ELAVL4: variants seen among roughly 807,000 people sequenced by gnomAD.
ELAVL4 encodes ELAV-like protein 4.
In ELAVL4, 1 loss-of-function variant was observed where a neutral mutation model predicts 35.6. The observed-to-expected ratio is 0.03, with a 90% CI of 0.01 to 0.13. The LOEUF is 0.13. ELAVL4 is among the 10% of genes least tolerant of loss of function. The pLI is 1.00. For missense variants in ELAVL4, 267 were observed against 464.9 expected, an observed-to-expected ratio of 0.57 and a Z score of 3.91; for synonymous variants, 156 against 171.0, an observed-to-expected ratio of 0.91 and a Z score of 0.69.
intron 1 of ELAVL4, among the ~76,000 whole-genome samples, chr1:50,132,157 A>G (rs544474104): frequency 6.6e-6 from 1 of 152,260 alleles, no homozygotes; most frequent in African/African-American, 2.4e-5. Context: ...ATCGATACGT[A>G]TTAGAAGGAT....
intron 2 of ELAVL4, among the ~76,000 whole-genome samples, chr1:50,166,649 T>C (rs1677976039): frequency 6.6e-6 from 1 of 152,246 alleles, no homozygotes; most frequent in African/African-American, 2.4e-5. Flanking sequence ...TTTGCAGTCC[T>C]GCCTGGATTG....
At position 50,126,494 on chromosome 1, in the gene ELAVL4, A is replaced by G. The variant is rs1016827294; in HGVS notation, c.9+17296A>G. On this transcript the variant is annotated intron_variant, in intron 1 of 6. Coordinates refer to ENST00000371824, the MANE Select transcript of ELAVL4 (RefSeq NM_001144774.3). Reference sequence around the variant, plus strand: ...CATATGTCAAAAATTTCAAGGAAGGACTCCTGTGCTAACTGGAATTATACA... The same window carrying G: ...CATATGTCAAAAATTTCAAGGAAGGGCTCCTGTGCTAACTGGAATTATACA... Among the ~76,000 whole-genome samples, 6 of 151,922 alleles carry G rather than the reference A, an allele frequency of 3.9e-5. No individual in the cohort carries two copies. The South Asian group carries it at 6.2e-4, about 16-fold the overall frequency.
At chr1:50,165,396 G>C (rs558089093) in intron 2 of ELAVL4, among the ~76,000 whole-genome samples, 149 of 151,372 alleles carry the variant, frequency 9.8e-4, no homozygotes, top group African/African-American at 3.3e-3. Context: ...GTATTAGTGA[G>C]GGTTCTCTAG....
At chr1:50,102,047 G>A (rs1666003429), upstream of ELAVL4, among the ~76,000 whole-genome samples, 1 of 152,148 alleles carries the variant, frequency 6.6e-6, no homozygotes, top group South Asian at 2.1e-4. Flanking sequence ...CAGCACTTGG[G>A]GAGGCCGTGG....
chr1:50,174,236 G>C (rs1679566911), intron 2 of ELAVL4: 1 of 152,156 alleles, frequency 6.6e-6, no homozygotes, highest in Non-Finnish European at 1.5e-5. Flanking sequence ...ATTAGACTTA[G>C]CTGAACTCCT....
intron 3 of ELAVL4, among the ~76,000 whole-genome samples, chr1:50,181,617 T>C (rs904092923): frequency 1.3e-5 from 2 of 152,294 alleles, no homozygotes; most frequent in African/African-American, 4.8e-5. Flanking sequence ...ACTTGCCTCA[T>C]GTAGGAGTTT....
intron 1 of ELAVL4, among the ~76,000 whole-genome samples, chr1:50,131,673 C>T (rs1670878028): frequency 6.6e-6 from 1 of 151,830 alleles, no homozygotes; most frequent in African/African-American, 2.4e-5. Context: ...GCCTGTAGTC[C>T]CAGTTACTCA....
At chr1:50,106,384 C>T, upstream of ELAVL4, 2 of 1,612,966 alleles carry the variant, frequency 1.2e-6, no homozygotes, top group Non-Finnish European at 1.7e-6. Flanking sequence ...CAAGAAACTG[C>T]TCATTTATGG....
chr1:50,196,671 G>A (rs1644080999), intron 5 of ELAVL4, among the ~76,000 whole-genome samples: 2 of 152,108 alleles, frequency 1.3e-5, no homozygotes, highest in Non-Finnish European at 2.9e-5. Flanking sequence ...TATGCCCTGT[G>A]AATTTGAAAT....
chr1:50,088,165 A>C (rs889237515), intron 1 of ELAVL4, among the ~76,000 whole-genome samples: 3 of 152,216 alleles, frequency 2.0e-5, no homozygotes, highest in Non-Finnish European at 4.4e-5. Context: ...CCTGGCTCAC[A>C]AATGAAATTG....
intron 1 of ELAVL4, among the ~76,000 whole-genome samples, chr1:50,132,949 A>T (rs956481330): frequency 6.6e-6 from 1 of 152,180 alleles, no homozygotes; most frequent in Non-Finnish European, 1.5e-5. Context: ...TGTTTATATA[A>T]TTGAGATAAT....
At position 50,202,921 on chromosome 1, in the gene ELAVL4, G is replaced by A. The variant is rs1644442986; in HGVS notation, c.*1743G>A. 1 of 152,020 alleles carries A rather than the reference G, an allele frequency of 6.6e-6. No homozygotes were observed. The highest frequency in any genetic ancestry group is 1.5e-5 in the Non-Finnish European group (1 of 67,984). The allele number at this position is 152,020 out of a possible 1,614,324, so 9.4% of individuals were successfully genotyped here. A position where few individuals can be genotyped will look rare whatever the true frequency, so the allele number is the denominator to read the frequency against. Reference sequence around the variant, plus strand: ...TTTATTTTAATGTAACTCAGATTGGGGAAAACAAAACAGAGCTAAGGGAAC... The same window carrying A: ...TTTATTTTAATGTAACTCAGATTGGAGAAAACAAAACAGAGCTAAGGGAAC... On this transcript the variant is annotated 3_prime_UTR_variant, in exon 7 of 7. Transcript: ENST00000371824.
intron 3 of ELAVL4, among the ~76,000 whole-genome samples, chr1:50,182,410 T>C (rs545571460): frequency 1.3e-5 from 2 of 152,164 alleles, no homozygotes; most frequent in Non-Finnish European, 2.9e-5. Flanking sequence ...AGGAGTAGGA[T>C]TAAACAAGCG....
intron 1 of ELAVL4, among the ~76,000 whole-genome samples, chr1:50,128,940 T>C (rs575488989): frequency 1.3e-5 from 2 of 152,140 alleles, no homozygotes; most frequent in South Asian, 2.1e-4. Context: ...ATTTGCTCCT[T>C]AACCCTTAGT....
intron 2 of ELAVL4, among the ~76,000 whole-genome samples, chr1:50,150,416 A>G (rs1674572033): frequency 6.6e-6 from 1 of 152,208 alleles, no homozygotes; most frequent in Non-Finnish European, 1.5e-5. Flanking sequence ...TTACAACTCT[A>G]ATTAAAGGAA....
upstream of ELAVL4, chr1:50,106,254 G>GGAAA (rs940078971): frequency 1.9e-6 from 3 of 1,546,260 alleles, no homozygotes; most frequent in African/African-American, 4.1e-5. Flanking sequence ...ACTCTGTGTG[G>GGAAA]GAAAGCTGGC....
chr1:50,099,417 G>A (rs544306821), upstream of ELAVL4, among the ~76,000 whole-genome samples: 6 of 151,972 alleles, frequency 3.9e-5, no homozygotes, highest in East Asian at 1.9e-4. Flanking sequence ...AAAATTAGCC[G>A]GGCATGGTGG....
At chr1:50,055,635 A>G (rs1405752344) in intron 1 of ELAVL4, among the ~76,000 whole-genome samples, 1 of 151,628 alleles carries the variant, frequency 6.6e-6, no homozygotes, top group Admixed American at 6.6e-5. Flanking sequence ...ACTTATCCCA[A>G]CTGGTGGATA....
At chr1:50,121,747 T>C (rs777852372) in intron 1 of ELAVL4, among the ~76,000 whole-genome samples, 5 of 152,084 alleles carry the variant, frequency 3.3e-5, no homozygotes, top group Non-Finnish European at 5.9e-5. Context: ...CTAGTTGTTT[T>C]AGATTTAATA....
Sources: allele counts gnomAD v4.1 joint callset (sites outside exome capture counted in the v4.1 genomes callset), GRCh38; gene constraint gnomAD v4.1.1; transcripts MANE v1.5; gene names NCBI Gene and HGNC (gene_info 2026-07-23, HGNC 2026-07-21).